Variants in PEX1 observed in about 807,000 individuals in gnomAD.
PEX1 encodes the protein peroxisomal biogenesis factor 1.
In PEX1, 97 loss-of-function variants were observed where a neutral mutation model predicts 152.5. The ratio of observed to expected loss-of-function variants is 0.64; its 90% CI spans 0.54 to 0.75. The LOEUF is 0.75. Among genes scored for constraint, PEX1 ranks in the 30% least tolerant of loss-of-function variants. The pLI is 0.00. For missense variants in PEX1, 1,357 were observed against 1,516.3 expected, an observed-to-expected ratio of 0.89 and a Z score of 1.74; for synonymous variants, 485 against 531.6, an observed-to-expected ratio of 0.91 and a Z score of 1.21.
rs745421141 is a variant in PEX1, at chr7:92,517,664, T to A, written c.851A>T (p.Asp284Val). The A allele has an allele frequency of 6.2e-7, 1 of 1,614,006 alleles. No homozygotes were observed. Among genetic ancestry groups the A allele is most frequent in the Non-Finnish European group, 8.5e-7 (1 of 1,179,994 alleles). ...KNMQSKVVPL[D>V]NIFRVCKSQP... is the part of the protein sequence containing the mutation. ...AGATTTGCATACTCTGAAAATATTG[T>A]CTAGAGGAACAACCTTTGACTGCAT... Residue 284 changes from aspartate to valine, a missense_variant, in exon 5 of 24, where the codon GAC becomes GTC. Coordinates refer to ENST00000248633, the MANE Select transcript of PEX1 (RefSeq NM_000466.3).
chr7:92,513,081 G>A (rs1226399295), intron 6 of PEX1, among the ~76,000 whole-genome samples: 5 of 151,968 alleles, frequency 3.3e-5, no homozygotes, highest in Admixed American at 2.0e-4. Context: ...TTACAACCAC[G>A]TGGCAAAATG....
chr7:92,520,058 G>C (rs1420204556), intron 2 of PEX1, among the ~76,000 whole-genome samples: 1 of 151,722 alleles, frequency 6.6e-6, no homozygotes, highest in Non-Finnish European at 1.5e-5. Context: ...CAAGAAGCTA[G>C]AGACTCAGTT....
chr7:92,487,407 G>T lies in PEX1; in HGVS notation c.*50C>A. The T allele has an allele frequency of 1.1e-6, 1 of 952,004 alleles. No individual in the cohort carries two copies. 59.0% of individuals were successfully genotyped at this position (952,004 alleles called of 1,614,324 possible). On this transcript the variant is annotated 3_prime_UTR_variant, in exon 24 of 24. Coordinates refer to ENST00000248633, the MANE Select transcript of PEX1 (RefSeq NM_000466.3). ...CCATTTTTTTCCTGTTACAACATAT[G>T]GAAAAGCCATCAAAAAACTTAACAG...
At chr7:92,519,212 T>C (rs1035732225) in intron 2 of PEX1, 134 bp from the exon 3 acceptor site, 6 of 637,856 alleles carry the variant, frequency 9.4e-6, no homozygotes, top group Admixed American at 4.9e-5. Flanking sequence ...GGTGTATATG[T>C]AGTCTATGTA....
chr7:92,509,804 T>C (rs1792368867), intron 8 of PEX1, among the ~76,000 whole-genome samples: 1 of 152,202 alleles, frequency 6.6e-6, no homozygotes, highest in Non-Finnish European at 1.5e-5. Context: ...GTATCTTCAA[T>C]TTTATGACAA....
In PEX1 at chr7:92,515,063, T is replaced by TTATC. The variant is rs1562863687; in HGVS notation, c.1240-1100_1240-1097dup. ...CTCCGTCTCAAGAAAAAAAAAAAAA[T>TTATC]TATCTATATATATATATATATATAT... On this transcript the variant is annotated intron_variant, in intron 5 of 23. Coordinates refer to ENST00000248633, the MANE Select transcript of PEX1 (RefSeq NM_000466.3). Among the ~76,000 whole-genome samples the TTATC allele has an allele frequency of 1.4e-3, 110 of 81,062 alleles. 1 individual carries two copies. The highest frequency in any genetic ancestry group is 2.0e-3 in the Admixed American group (14 of 6,862). The allele number at this position is 81,062 out of a possible 152,430, so 53.2% of individuals were successfully genotyped here. A position where few individuals can be genotyped will look rare whatever the true frequency, so the allele number is the denominator to read the frequency against.
chr7:92,520,864 C>A (rs1404851023), intron 2 of PEX1, among the ~76,000 whole-genome samples: 2 of 152,294 alleles, frequency 1.3e-5, no homozygotes, highest in Non-Finnish European at 2.9e-5. Flanking sequence ...CTCATTCTTC[C>A]AATCCTAAAG....
intron 5 of PEX1, among the ~76,000 whole-genome samples, chr7:92,516,636 G>C (rs38808): frequency 0.8 from 122,431 of 152,128 alleles, 49,465 homozygotes; most frequent in South Asian, 0.87. Context: ...TCAAATTTAG[G>C]TTCCAATAAA....
At chr7:92,503,289 G>T in intron 12 of PEX1, 94 bp from the exon 13 acceptor site, 1 of 1,065,770 alleles carries the variant, frequency 9.4e-7, no homozygotes, top group Non-Finnish European at 1.4e-6. Flanking sequence ...CTCTAAGGTT[G>T]ACCTTTAAGG....
chr7:92,490,564 G>T (rs1383574828), intron 21 of PEX1, among the ~76,000 whole-genome samples: 1 of 147,884 alleles, frequency 6.8e-6, no homozygotes, highest in Non-Finnish European at 1.5e-5. Flanking sequence ...AAGCCCAGGA[G>T]GTCAAGGCTG....
rs1450769537 is a variant in PEX1, at chr7:92,494,581, G to A, written c.2832C>T (p.Ser944=). Reference sequence around the variant, plus strand: ...TATCATGACCCCGCCGAGGAGCAATGGATTCAAATTCATCAAAGAAAAGAA... The same window carrying A: ...TATCATGACCCCGCCGAGGAGCAATAGATTCAAATTCATCAAAGAAAAGAA... ...PCILFFDEFE[S]IAPRRGHDNT... is the part of the protein sequence containing the mutation. The change falls in exon 18 of 24, where the codon TCC becomes TCT. Residue 944 remains serine, a synonymous_variant. Coordinates refer to ENST00000248633, the MANE Select transcript of PEX1 (RefSeq NM_000466.3). The A allele has an allele frequency of 1.2e-6, 2 of 1,613,864 alleles. No homozygotes were observed. The highest frequency in any genetic ancestry group is 1.7e-6 in the Non-Finnish European group (2 of 1,179,850).
chr7:92,491,113 A>G, intron 21 of PEX1, 159 bp downstream of exon 21: 1 of 607,126 alleles, frequency 1.6e-6, no homozygotes, highest in Non-Finnish European at 3.0e-6. Context: ...AAGGAATGCA[A>G]ATTACCAATT....
At chr7:92,492,148 A>G (rs1348808703) in intron 20 of PEX1, among the ~76,000 whole-genome samples, 1 of 152,078 alleles carries the variant, frequency 6.6e-6, no homozygotes, top group Admixed American at 6.5e-5. Flanking sequence ...ATAAACCAAG[A>G]ATATTTTTCT....
At chr7:92,510,663 GA>G (rs1792420325) in intron 8 of PEX1, among the ~76,000 whole-genome samples, 1 of 151,934 alleles carries the variant, frequency 6.6e-6, no homozygotes, top group South Asian at 2.1e-4. Context: ...AATCCTAGAA[GA>G]ATTTTAAATC....
In PEX1 at chr7:92,501,916, G is replaced by A. The variant is rs751131867; in HGVS notation, c.2390C>T (p.Ser797Phe). Reference protein sequence around the residue: ...LVDRAIHSRLSRQSISTREKL... With the variant: ...LVDRAIHSRLFRQSISTREKL... ...TTCTCTGGTGGATATACTCTGACGA[G>A]AGAGTCGAGAATGTATGGCTCGATC... The change falls in exon 14 of 24, where the codon TCT (serine) becomes TTT (phenylalanine). Residue 797 changes from serine (S) to phenylalanine (F), a missense_variant. By Grantham distance (155) the Ser-to-Phe change is radical (BLOSUM62 -2). Transcript: ENST00000248633. 4 of 1,613,846 alleles carry A rather than the reference G, an allele frequency of 2.5e-6. No individual in the cohort carries two copies. Among genetic ancestry groups the A allele is most frequent in the Middle Eastern group, 3.3e-4 (2 of 6,060 alleles).
rs575737926 is a variant in PEX1, at chr7:92,519,043, A to G, written c.309T>C (p.Cys103=). Residue 103 remains cysteine, a synonymous_variant, in exon 3 of 24, where the codon TGT becomes TGC. Transcript: ENST00000248633. The part of the protein sequence containing the change: ...FLKPCSHVVS[C]QQVEVEPLSA... Reference sequence around the variant, plus strand: ...AGAGGGGTTCCACCTCAACTTGTTGACAAGATACCACATGGGAACATGGCT... The same window carrying G: ...AGAGGGGTTCCACCTCAACTTGTTGGCAAGATACCACATGGGAACATGGCT... 1 of 1,610,730 alleles carries G rather than the reference A, an allele frequency of 6.2e-7. No individual in the cohort carries two copies. Among genetic ancestry groups the G allele is most frequent in the South Asian group, 1.1e-5 (1 of 91,020 alleles).
chr7:92,526,432 A>G (rs1793271525), intron 1 of PEX1, among the ~76,000 whole-genome samples: 1 of 152,206 alleles, frequency 6.6e-6, no homozygotes, highest in Non-Finnish European at 1.5e-5. Flanking sequence ...CAAATAAAGT[A>G]ATTCAAGTAT....
intron 7 of PEX1, 25 bp from the exon 8 acceptor site, chr7:92,511,072 CAG>C (rs1288042795): frequency 4.0e-6 from 4 of 1,012,100 alleles, no homozygotes; most frequent in African/African-American, 3.2e-5. Context: ...GTAATAAATG[CAG>C]AGTTAGTACT....
chr7:92,494,712 T>G, intron 17 of PEX1, 83 bp from the exon 18 acceptor site: 2 of 1,024,346 alleles, frequency 2.0e-6, no homozygotes, highest in South Asian at 3.1e-5. Context: ...TGAATGTATT[T>G]ATTTTATGTA....
Sources: gnomAD v4.1 joint callset for allele counts (sites outside exome capture counted in the v4.1 genomes callset) on GRCh38, gnomAD v4.1.1 for gene constraint, MANE v1.5 for transcripts, NCBI Gene and HGNC (gene_info 2026-07-23, HGNC 2026-07-21) for gene names.